The following NBEA variants were observed in gnomAD, a reference collection of about 807,000 sequenced individuals.
NBEA encodes the protein lysosomal-trafficking regulator 2.
Under a neutral mutation model 343.4 loss-of-function variants are expected in NBEA, and 44 were observed. That is an observed-to-expected ratio of 0.13 (90% confidence interval 0.10 to 0.16). The LOEUF is 0.16. Ranked by LOEUF, NBEA falls within the 10% of genes least tolerant of loss-of-function variation. NBEA has a pLI of 1.00. For synonymous variants in NBEA, 1,175 were observed against 1,238.7 expected, an observed-to-expected ratio of 0.95 and a Z score of 1.08; for missense variants, 2,555 against 3,631.3, an observed-to-expected ratio of 0.70 and a Z score of 7.62.
At chr13:35,090,091 A>AATAAATAAATAG in intron 10 of NBEA, among the ~76,000 whole-genome samples, 1 of 151,642 alleles carries the variant, frequency 6.6e-6, no homozygotes, top group Admixed American at 6.6e-5. Context: ...TAAATAAATA[A>AATAAATAAATAG]AAATCTGGCT....
At position 35,067,945 on chromosome 13, in the gene NBEA, C is replaced by G. The variant is rs1470381631; in HGVS notation, c.1240-1963C>G. ...GAGATGGGGTCTCTCTGTGTGTTGT[C>G]CAGGCTGATCTCAAACTCCGGGCCT... On this transcript the variant is annotated intron_variant, in intron 8 of 58. Transcript: ENST00000379939. Among the ~76,000 whole-genome samples, 3 of 152,086 alleles carry G rather than the reference C, an allele frequency of 2.0e-5. No homozygotes were observed. In the East Asian group the frequency reaches 5.8e-4, roughly 30 times the overall value.
At chr13:35,530,339 C>T (rs542328294) in intron 41 of NBEA, among the ~76,000 whole-genome samples, 315 of 152,160 alleles carry the variant, frequency 2.1e-3, no homozygotes, top group Non-Finnish European at 3.4e-3. Context: ...TGACTGGCGG[C>T]GGCCTGTCCC....
intron 46 of NBEA, among the ~76,000 whole-genome samples, chr13:35,592,755 C>T (rs1566376057): frequency 6.6e-6 from 1 of 152,044 alleles, no homozygotes; most frequent in Admixed American, 6.6e-5. Flanking sequence ...TTTAGACTCT[C>T]TCCTAATCAC....
chr13:35,164,297 G>C (rs543352901), intron 23 of NBEA, 59 bp from the exon 24 acceptor site: 1 of 1,431,632 alleles, frequency 7.0e-7, no homozygotes, highest in East Asian at 2.5e-5. Flanking sequence ...TATTCTAATT[G>C]TCTAAGCTTT....
At chr13:35,190,865 T>TA (rs2072135239) in intron 30 of NBEA, among the ~76,000 whole-genome samples, 1 of 152,118 alleles carries the variant, frequency 6.6e-6, no homozygotes, top group African/African-American at 2.4e-5. Flanking sequence ...TATGCTCAAG[T>TA]AATTACAGGA....
At chr13:35,495,760 A>G (rs559241553) in intron 41 of NBEA, among the ~76,000 whole-genome samples, 2 of 152,182 alleles carry the variant, frequency 1.3e-5, no homozygotes, top group East Asian at 1.9e-4. Context: ...AGGCCATAAC[A>G]CAAGCCTCAA....
chr13:35,539,378 G>A (rs749920332), intron 41 of NBEA, among the ~76,000 whole-genome samples: 5 of 152,086 alleles, frequency 3.3e-5, no homozygotes, highest in Admixed American at 6.5e-5. Context: ...GACAGAACAC[G>A]GCACACTGGG....
intron 33 of NBEA, among the ~76,000 whole-genome samples, chr13:35,217,679 CCT>C (rs1222598311): frequency 6.6e-6 from 1 of 151,922 alleles, no homozygotes; most frequent in Non-Finnish European, 1.5e-5. Context: ...TTTAGAGAGG[CCT>C]CTCTTCTTGG....
chr13:35,621,229 A>T (rs1372928458), intron 48 of NBEA, among the ~76,000 whole-genome samples: 2 of 152,138 alleles, frequency 1.3e-5, no homozygotes, highest in Non-Finnish European at 2.9e-5. Flanking sequence ...GCTCCCAAAG[A>T]TCAGAGGTTT....
chr13:35,159,576 G>T lies in NBEA; in HGVS notation c.3405G>T (p.Glu1135Asp). 9.3e-6 allele frequency: 15 copies of T among 1,612,230 alleles called. No individual in the cohort carries two copies. Among genetic ancestry groups the T allele is most frequent in the Non-Finnish European group, 1.3e-5 (15 of 1,179,308 alleles). Residue 1135 changes from glutamate (E) to aspartate (D), a missense_variant, in exon 22 of 59, where the codon GAG becomes GAT. Around this residue, in one of 21 missense-constraint regions of NBEA, gnomAD observed 367 missense variants for 377.5 expected, o/e 0.97. Coordinates refer to ENST00000379939, the MANE Select transcript of NBEA (RefSeq NM_001385012.1). ...GTCCATTGATAACATTAGCAGATGA[G>T]AAAGAAGACCTTCCCAATAGTAGTA... ...DNGPLITLADEKEDLPNSSTS... is the reference protein window; with the variant it reads ...DNGPLITLADDKEDLPNSSTS...
At chr13:35,451,512 G>A (rs2046313109) in intron 39 of NBEA, among the ~76,000 whole-genome samples, 1 of 152,188 alleles carries the variant, frequency 6.6e-6, no homozygotes, top group South Asian at 2.1e-4. Context: ...AATAGCTATT[G>A]TGAAGAAGCT....
chr13:35,625,580 G>A (rs1232010763), intron 48 of NBEA, among the ~76,000 whole-genome samples: 2 of 152,010 alleles, frequency 1.3e-5, no homozygotes, highest in Admixed American at 6.6e-5. Flanking sequence ...AGCTGAGATC[G>A]CAACACTGCA....
intron 44 of NBEA, among the ~76,000 whole-genome samples, chr13:35,565,060 G>T (rs1367203958): frequency 1.3e-5 from 2 of 152,164 alleles, no homozygotes; most frequent in African/African-American, 4.8e-5. Flanking sequence ...TGTATATCAG[G>T]TGTAATAGAG....
chr13:35,326,893 G>T (rs1332907029), intron 36 of NBEA, among the ~76,000 whole-genome samples: 1 of 151,730 alleles, frequency 6.6e-6, no homozygotes, highest in East Asian at 1.9e-4. Flanking sequence ...ATGCATCCAA[G>T]GACTAATATC....
chr13:35,404,403 C>A (rs2043158526), intron 38 of NBEA, among the ~76,000 whole-genome samples: 1 of 150,100 alleles, frequency 6.7e-6, no homozygotes, highest in African/African-American at 2.4e-5. Flanking sequence ...CACATATACA[C>A]CATGGAATAC....
intron 41 of NBEA, among the ~76,000 whole-genome samples, chr13:35,487,097 A>G (rs1566208450): frequency 1.3e-5 from 2 of 151,948 alleles, no homozygotes; most frequent in Non-Finnish European, 2.9e-5. Flanking sequence ...TCAGCTCAAG[A>G]CACATTGAAA....
At chr13:35,565,881 CA>C (rs1167392470) in intron 44 of NBEA, among the ~76,000 whole-genome samples, 3 of 151,892 alleles carry the variant, frequency 2.0e-5, no homozygotes, top group East Asian at 3.9e-4. Context: ...CAACATAAGA[CA>C]AAAAAATATT....
intron 34 of NBEA, among the ~76,000 whole-genome samples, chr13:35,253,662 A>C (rs2032242235): frequency 6.6e-6 from 1 of 152,204 alleles, no homozygotes; most frequent in African/African-American, 2.4e-5. Flanking sequence ...GTTTTATTGA[A>C]ATACAGGCAG....
chr13:35,009,623 A>C (rs1411392228), intron 1 of NBEA, among the ~76,000 whole-genome samples: 1 of 152,176 alleles, frequency 6.6e-6, no homozygotes, highest in African/African-American at 2.4e-5. Flanking sequence ...GGATTTTATT[A>C]GAACAGAGTT....
Sources: gnomAD v4.1 joint callset for allele counts (sites outside exome capture counted in the v4.1 genomes callset) on GRCh38, gnomAD v4.1.1 for gene constraint, gnomAD v4.1.1 regional missense constraint, MANE v1.5 for transcripts, NCBI Gene and HGNC (gene_info 2026-07-23, HGNC 2026-07-21) for gene names.